The following JMJD1C variants were observed in gnomAD, a reference collection of about 807,000 sequenced individuals.
The protein encoded by JMJD1C is jumonji domain containing 1C, also known as jumonji domain-containing protein 1C.
JMJD1C carries 31 observed loss-of-function variants against 245.3 expected under a neutral mutation model. The observed-to-expected ratio is 0.13, with a 90% CI of 0.09 to 0.17. The LOEUF (loss-of-function observed/expected upper bound fraction) is 0.17. Among genes scored for constraint, JMJD1C ranks in the 10% least tolerant of loss-of-function variants. The pLI, the probability that JMJD1C is intolerant of heterozygous loss-of-function variation, is 1.00. For synonymous variants in JMJD1C, 1,057 were observed against 1,017.4 expected (o/e 1.04, Z -0.74); for missense variants, 2,691 against 3,000.2 (o/e 0.90, Z 2.41).
Position 63,218,064 on chromosome 10 carries a change from CT to C in JMJD1C, c.554-734del, listed in dbSNP as rs541029074. ...ACAGGTATTAAAATGGTATCAAATA[CT>C]TTAACAAAGAACTGTAAGGGAAAAA... On this transcript the variant is annotated intron_variant, in intron 4 of 25. Transcript: ENST00000399262. 3.7e-3 allele frequency among the ~76,000 whole-genome samples: 556 copies of C among 152,136 alleles called. 3 individuals are homozygous for C. The highest frequency in any genetic ancestry group is 0.013 in the African/African-American group (537 of 41,556).
intron 1 of JMJD1C, among the ~76,000 whole-genome samples, chr10:63,437,731 C>T (rs1951137005): frequency 6.6e-6 from 1 of 152,158 alleles, no homozygotes; most frequent in South Asian, 2.1e-4. Context: ...CTTTTGTTCC[C>T]ACTATTACAC....
At chr10:63,292,144 A>ATGTTTTTTTTTTTTTTTT (rs1858836436) in intron 2 of JMJD1C, among the ~76,000 whole-genome samples, 1 of 56,326 alleles carries the variant, frequency 1.8e-5, no homozygotes, top group Non-Finnish European at 3.2e-5. Context: ...GTAGAGACAG[A>ATGTTTTTTTTTTTTTTTT]TTTTTTTTTT....
chr10:63,305,509 GA>G (rs1938024573), intron 2 of JMJD1C, among the ~76,000 whole-genome samples: 2 of 89,422 alleles, frequency 2.2e-5, no homozygotes, highest in South Asian at 4.5e-4. Context: ...GGCAAGGTCT[GA>G]CCCTCTCTCT....
chr10:63,178,382 T>C (rs1283544394), intron 22 of JMJD1C, among the ~76,000 whole-genome samples: 1 of 152,200 alleles, frequency 6.6e-6, no homozygotes, highest in Admixed American at 6.5e-5. Context: ...ATAGAAAACC[T>C]AAGAGCAACT....
chr10:63,326,519 A>G (rs1291257279), intron 2 of JMJD1C, among the ~76,000 whole-genome samples: 1 of 152,200 alleles, frequency 6.6e-6, no homozygotes, highest in African/African-American at 2.4e-5. Context: ...GAAACACTGA[A>G]GGTCCACATC....
chr10:63,505,259 G>A (rs895991038), intron 1 of JMJD1C, among the ~76,000 whole-genome samples: 1 of 150,816 alleles, frequency 6.6e-6, no homozygotes, highest in African/African-American at 2.4e-5. Flanking sequence ...GGAGCTTGAA[G>A]TGAGCCGAGA....
At chr10:63,192,759 G>A (rs1384551956) in intron 16 of JMJD1C, among the ~76,000 whole-genome samples, 179 bp downstream of exon 16, 2 of 151,928 alleles carry the variant, frequency 1.3e-5, no homozygotes, top group Non-Finnish European at 2.9e-5. Context: ...AAAACAACAG[G>A]CTAGTTCCTA....
chr10:63,487,030 C>T (rs772369241), intron 1 of JMJD1C, among the ~76,000 whole-genome samples: 8 of 152,138 alleles, frequency 5.3e-5, no homozygotes, highest in African/African-American at 9.7e-5. Flanking sequence ...TCATGGTTGG[C>T]ATCACAAAAT....
intron 2 of JMJD1C, among the ~76,000 whole-genome samples, chr10:63,328,340 T>C (rs1941764122): frequency 6.6e-6 from 1 of 151,830 alleles, no homozygotes; most frequent in Non-Finnish European, 1.5e-5. Context: ...TTGTCACATA[T>C]ATAAAAAATT....
chr10:63,320,907 T>C (rs1175999841), intron 2 of JMJD1C, among the ~76,000 whole-genome samples: 1 of 152,086 alleles, frequency 6.6e-6, no homozygotes, highest in Non-Finnish European at 1.5e-5. Context: ...ACCATGTGTT[T>C]AGAGAGTTGG....
intron 1 of JMJD1C, chr10:63,382,771 A>G: frequency 2.2e-6 from 1 of 455,862 alleles, no homozygotes; most frequent in Non-Finnish European, 4.4e-6. Flanking sequence ...TTTTATCCTA[A>G]TTCTGCCACC....
chr10:63,460,385 T>C (rs1325579657), intron 1 of JMJD1C, among the ~76,000 whole-genome samples: 1 of 152,100 alleles, frequency 6.6e-6, no homozygotes, highest in African/African-American at 2.4e-5. Context: ...TTGGGTATAG[T>C]GGCACATGCC....
intron 3 of JMJD1C, among the ~76,000 whole-genome samples, chr10:63,261,586 A>G (rs1199842156): frequency 2.0e-5 from 3 of 152,166 alleles, no homozygotes; most frequent in Admixed American, 6.5e-5. Flanking sequence ...AGAAGAAGAA[A>G]AAAAGCTGAC....
intron 3 of JMJD1C, among the ~76,000 whole-genome samples, chr10:63,247,111 C>CAAAAAAAAAAAAAAA (rs988526914): frequency 3.6e-5 from 3 of 83,472 alleles, no homozygotes; most frequent in Non-Finnish European, 7.9e-5. Context: ...ACAAAAAAAA[C>CAAAAAAAAAAAAAAA]AAAAACAAAA....
Position 63,465,815 on chromosome 10 carries a change from C to T in JMJD1C, c.-153G>A. 2.3e-6 allele frequency: 2 copies of T among 864,652 alleles called. No homozygotes were observed. Among genetic ancestry groups the T allele is most frequent in the Non-Finnish European group, 3.7e-6 (2 of 533,440 alleles). 53.6% of individuals were successfully genotyped at this position (864,652 alleles called of 1,614,324 possible). ...CTCGGGACGAACCGGCCGCTCTGCC[C>T]CGGACACAGCGACCTCGGGCCCTCC... On this transcript the variant is annotated 5_prime_UTR_variant, in exon 1 of 26. Coordinates refer to ENST00000399262, the MANE Select transcript of JMJD1C (RefSeq NM_032776.3).
At chr10:63,190,291 G>A (rs956301824) in intron 17 of JMJD1C, among the ~76,000 whole-genome samples, 4 of 151,798 alleles carry the variant, frequency 2.6e-5, no homozygotes, top group East Asian at 3.9e-4. Context: ...TGCAACCTCC[G>A]CCTCCTGGGT....
chr10:63,505,891 G>C (rs780684570), intron 1 of JMJD1C, among the ~76,000 whole-genome samples: 6 of 144,542 alleles, frequency 4.2e-5, no homozygotes, highest in Non-Finnish European at 8.9e-5. Context: ...GTGGGATTCA[G>C]AATCGAAGCC....
At chr10:63,238,330 C>G (rs1033741349) in intron 3 of JMJD1C, among the ~76,000 whole-genome samples, 10 of 150,946 alleles carry the variant, frequency 6.6e-5, no homozygotes, top group African/African-American at 2.4e-4. Flanking sequence ...TTTTTTACTG[C>G]TCCTAGAAAG....
At chr10:63,425,397 T>TC (rs1345088953) in intron 1 of JMJD1C, among the ~76,000 whole-genome samples, 2 of 152,236 alleles carry the variant, frequency 1.3e-5, no homozygotes, top group East Asian at 3.9e-4. Flanking sequence ...CTCTATACAA[T>TC]CTACAAAGAA....
Sources: allele counts gnomAD v4.1 joint callset (sites outside exome capture counted in the v4.1 genomes callset), GRCh38; gene constraint gnomAD v4.1.1; transcripts MANE v1.5; gene names NCBI Gene and HGNC (gene_info 2026-07-23, HGNC 2026-07-21).